The following DGKB variants were observed in gnomAD, a reference collection of about 807,000 sequenced individuals.
DGKB encodes 90 kDa diacylglycerol kinase.
Under a neutral mutation model 114.3 loss-of-function variants are expected in DGKB, and 67 were observed. That is an observed-to-expected ratio of 0.59 (90% CI 0.48 to 0.72). The LOEUF is 0.72. Among genes scored for constraint, DGKB ranks in the 30% least tolerant of loss-of-function variants. The probability of loss-of-function intolerance (pLI) is 0.00; values close to 1 mark genes in which losing one functional copy is unlikely to be tolerated. For missense variants in DGKB, 907 were observed against 975.2 expected (o/e 0.93, Z 0.93); for synonymous variants, 398 against 323.1 (o/e 1.23, Z -2.49).
Position 14,463,344 on chromosome 7 carries a change from T to C in DGKB, c.1835+14817A>G, listed in dbSNP as rs146107562. Among the ~76,000 whole-genome samples, 63 of 152,266 alleles carry C rather than the reference T, an allele frequency of 4.1e-4. No individual in the cohort carries two copies. In the East Asian group the frequency reaches 5.6e-3, roughly 14 times the overall value. ...CTACCGTGGCACATGTATACCTATG[T>C]AACAAAACTACATGTTCTGCACATG... On this transcript the variant is annotated intron_variant, in intron 21 of 25. Coordinates refer to ENST00000402815, the MANE Select transcript of DGKB (RefSeq NM_001350709.2).
At chr7:14,875,473 A>G (rs971891738) in intron 1 of DGKB, among the ~76,000 whole-genome samples, 6 of 152,132 alleles carry the variant, frequency 3.9e-5, no homozygotes, top group Non-Finnish European at 7.4e-5. Context: ...AATTTGCAAC[A>G]TTGTGAAATA....
At chr7:14,235,528 C>T (rs1382259467) in intron 23 of DGKB, among the ~76,000 whole-genome samples, 2 of 151,924 alleles carry the variant, frequency 1.3e-5, no homozygotes, top group Middle Eastern at 3.2e-3. Context: ...AGTAGAATGC[C>T]AGTATTTGAC....
chr7:14,841,212 GT>G lies in DGKB; in HGVS notation c.51del (p.Gln17HisfsTer13), dbSNP rs759844280. ...TACTTACACTCAGCATATTTCTGAA[GT>G]TGGGAAAATTCCGAAGGGCTGAGGT... is the stretch of plus-strand genomic sequence containing the variant. ...WAHLSPSEFS[Q>X]LQKYAEYSTK... On this transcript the variant is annotated frameshift_variant, in exon 2 of 26. Coordinates refer to ENST00000402815, the MANE Select transcript of DGKB (RefSeq NM_001350709.2). LOFTEE classifies it high-confidence loss of function. 1.2e-6 allele frequency: 2 copies of G among 1,613,266 alleles called. No individual in the cohort carries two copies. Among genetic ancestry groups the G allele is most frequent in the Admixed American group, 1.7e-5 (1 of 59,960 alleles).
At chr7:14,344,643 A>G (rs987199708) in intron 22 of DGKB, among the ~76,000 whole-genome samples, 1 of 150,968 alleles carries the variant, frequency 6.6e-6, no homozygotes, top group Non-Finnish European at 1.5e-5. Flanking sequence ...ACCCCTAAAA[A>G]TCTCTCAATA....
At chr7:14,518,488 G>A (rs1037721209) in intron 20 of DGKB, among the ~76,000 whole-genome samples, 2 of 151,858 alleles carry the variant, frequency 1.3e-5, no homozygotes, top group African/African-American at 2.4e-5. Context: ...AAAAAGATGA[G>A]AGGAGTACTG....
chr7:14,444,273 T>C (rs1830450153), intron 21 of DGKB, among the ~76,000 whole-genome samples: 2 of 151,904 alleles, frequency 1.3e-5, no homozygotes, highest in Non-Finnish European at 2.9e-5. Flanking sequence ...TTGTATATGA[T>C]AGTTATTATC....
At chr7:14,500,832 T>C (rs1786054846) in intron 20 of DGKB, among the ~76,000 whole-genome samples, 1 of 151,810 alleles carries the variant, frequency 6.6e-6, no homozygotes, top group Non-Finnish European at 1.5e-5. Flanking sequence ...TGTATAGCGG[T>C]GAAATATTTA....
chr7:14,498,112 T>A (rs1195935472), intron 20 of DGKB, among the ~76,000 whole-genome samples: 2 of 151,880 alleles, frequency 1.3e-5, no homozygotes, highest in Non-Finnish European at 2.9e-5. Context: ...ATTTTTCACT[T>A]AAAAAGGTAT....
At chr7:14,227,530 A>G (rs892871239) in intron 23 of DGKB, among the ~76,000 whole-genome samples, 5 of 152,080 alleles carry the variant, frequency 3.3e-5, no homozygotes, top group Admixed American at 1.3e-4. Flanking sequence ...CTAAATTTCT[A>G]TTTTATATAT....
chr7:14,338,563 T>G lies in DGKB; in HGVS notation c.2074A>C (p.Lys692Gln), dbSNP rs1811089812. 6.2e-7 allele frequency: 1 copy of G among 1,606,422 alleles called. No homozygotes were observed. Among genetic ancestry groups the G allele is most frequent in the Non-Finnish European group, 8.5e-7 (1 of 1,176,874 alleles). ...TTGGCATCTGTGACGGTGGTCCTTT[T>G]GTCAGACCCTTTTTTCTCTATTCGT... ...HRRIEKKGSD[K>Q]RTTVTDAKEL... Residue 692 changes from lysine (K) to glutamine (Q), a missense_variant, in exon 23 of 26, where the codon AAA becomes CAA. This residue lies in a region of DGKB where 814 missense variants were observed against 856.6 expected (regional missense o/e 0.95). Coordinates refer to ENST00000402815, the MANE Select transcript of DGKB (RefSeq NM_001350709.2).
chr7:14,777,491 T>C (rs539686163), intron 2 of DGKB, among the ~76,000 whole-genome samples: 2 of 152,264 alleles, frequency 1.3e-5, no homozygotes, highest in East Asian at 3.9e-4. Context: ...GGTACCTCCA[T>C]GCTGTTCTCA....
intron 1 of DGKB, among the ~76,000 whole-genome samples, chr7:14,964,705 T>A (rs969215436): frequency 6.6e-6 from 1 of 152,060 alleles, no homozygotes; most frequent in Admixed American, 6.6e-5. Flanking sequence ...TTTTAAGAGA[T>A]CTTGCTGGCA....
At chr7:14,649,913 T>G (rs934341467) in intron 13 of DGKB, among the ~76,000 whole-genome samples, 4 of 142,662 alleles carry the variant, frequency 2.8e-5, no homozygotes, top group South Asian at 4.5e-4. Context: ...CATTACATAA[T>G]GGTAAAGGGA....
intron 23 of DGKB, among the ~76,000 whole-genome samples, chr7:14,288,903 A>G (rs1341877354): frequency 2.0e-5 from 3 of 152,326 alleles, no homozygotes; most frequent in Non-Finnish European, 4.4e-5. Flanking sequence ...GTTGCTCTTG[A>G]GTGGAAGGCT....
At chr7:14,703,884 G>C (rs1381273013) in intron 6 of DGKB, among the ~76,000 whole-genome samples, 2 of 152,140 alleles carry the variant, frequency 1.3e-5, no homozygotes, top group African/African-American at 2.4e-5. Context: ...CCCAAGGATA[G>C]TGTGTACTTA....
intron 21 of DGKB, among the ~76,000 whole-genome samples, chr7:14,426,439 T>A (rs1271389465): frequency 6.6e-6 from 1 of 152,166 alleles, no homozygotes; most frequent in Non-Finnish European, 1.5e-5. Context: ...GCTGAATGGA[T>A]GCATGAATGG....
chr7:14,790,658 G>A (rs1241637739), intron 2 of DGKB, among the ~76,000 whole-genome samples: 1 of 152,024 alleles, frequency 6.6e-6, no homozygotes, highest in Non-Finnish European at 1.5e-5. Context: ...TGTCATTGTT[G>A]ATCTATGCTT....
intron 23 of DGKB, among the ~76,000 whole-genome samples, chr7:14,332,078 TTATC>T: frequency 6.6e-6 from 1 of 151,216 alleles, no homozygotes; most frequent in South Asian, 2.1e-4. Flanking sequence ...ATGGGGCTAC[TTATC>T]TGAGTTTGTT....
intron 21 of DGKB, among the ~76,000 whole-genome samples, chr7:14,360,420 G>A (rs980259225): frequency 6.6e-6 from 1 of 150,732 alleles, no homozygotes; most frequent in Admixed American, 6.6e-5. Flanking sequence ...TATGTAATAC[G>A]TTGTGCACAT....
Sources: gnomAD v4.1 joint callset for allele counts (sites outside exome capture counted in the v4.1 genomes callset) on GRCh38, gnomAD v4.1.1 for gene constraint, gnomAD v4.1.1 regional missense constraint, MANE v1.5 for transcripts, NCBI Gene and HGNC (gene_info 2026-07-23, HGNC 2026-07-21) for gene names.